The following RASGRF2 variants were observed in gnomAD, a reference collection of about 807,000 sequenced individuals.
RASGRF2 encodes Ras protein specific guanine nucleotide releasing factor 2.
RASGRF2 carries 76 observed loss-of-function variants against 151.0 expected under a neutral mutation model. The ratio of observed to expected loss-of-function variants is 0.50; its 90% CI spans 0.42 to 0.61. RASGRF2 has a LOEUF of 0.61. Ranked by LOEUF, RASGRF2 falls within the 20% of genes least tolerant of loss-of-function variation. The probability of loss-of-function intolerance (pLI) is 0.00; values close to 1 mark genes in which losing one functional copy is unlikely to be tolerated. For missense variants in RASGRF2, 1,148 were observed against 1,564.6 expected, an observed-to-expected ratio of 0.73 and a Z score of 4.49; for synonymous variants, 504 against 566.5, an observed-to-expected ratio of 0.89 and a Z score of 1.57.
At chr5:80,967,446 C>A (rs1014053972) in intron 1 of RASGRF2, among the ~76,000 whole-genome samples, 9 of 151,828 alleles carry the variant, frequency 5.9e-5, no homozygotes, top group Non-Finnish European at 1.2e-4. Context: ...TCCTTTAGTG[C>A]TTAATTAAAA....
rs1233981818 is a variant in RASGRF2, at chr5:81,059,843, A to AAAAAC, written c.396-8184_396-8180dup. Among the ~76,000 whole-genome samples the AAAAAC allele has an allele frequency of 4.6e-5, 7 of 152,028 alleles. No individual in the cohort carries two copies. In the East Asian group the frequency reaches 1.2e-3, roughly 25 times the overall value. On this transcript the variant is annotated intron_variant, in intron 2 of 26. Coordinates refer to ENST00000265080, the MANE Select transcript of RASGRF2 (RefSeq NM_006909.3). ...TGGGCAACAGAGGGAGACTCCACCA[A>AAAAAC]AAAACAAAAAACAAAAAACAAAAAA...
chr5:81,000,612 T>TG (rs1374027355), intron 1 of RASGRF2, among the ~76,000 whole-genome samples: 4 of 152,176 alleles, frequency 2.6e-5, no homozygotes, highest in Admixed American at 1.3e-4. Flanking sequence ...CAATAATTTA[T>TG]GTTTTTTTTT....
intron 12 of RASGRF2, among the ~76,000 whole-genome samples, chr5:81,097,901 G>C (rs1752591228): frequency 6.6e-6 from 1 of 152,226 alleles, no homozygotes; most frequent in African/African-American, 2.4e-5. Context: ...AAGGATTTCA[G>C]CAAAGGAATG....
intron 17 of RASGRF2, among the ~76,000 whole-genome samples, chr5:81,145,213 G>C (rs1435036443): frequency 6.6e-6 from 1 of 152,114 alleles, no homozygotes; most frequent in Non-Finnish European, 1.5e-5. Context: ...TGGGCAACAA[G>C]AGTGAAACTC....
At position 81,113,681 on chromosome 5, in the gene RASGRF2, AG is replaced by A; in HGVS notation, c.2232del (p.Lys744AsnfsTer4). On this transcript the variant is annotated frameshift_variant, in exon 15 of 27. Transcript: ENST00000265080. LOFTEE classifies it high-confidence loss of function. Reference protein sequence around the residue: ...SRTSSPVRARKLSLTSPLNSK... With the variant: ...SRTSSPVRARXLSLTSPLNSK... ...ACATCTTCCCCAGTGAGGGCCAGAA[AG>A]CTGTCTTTGACTTCTCCCTTGAACT... 1 of 1,613,672 alleles carries A rather than the reference AG, an allele frequency of 6.2e-7. No homozygotes were observed.
chr5:81,033,942 A>G (rs554219112), intron 1 of RASGRF2, among the ~76,000 whole-genome samples: 1 of 152,368 alleles, frequency 6.6e-6, no homozygotes, highest in East Asian at 1.9e-4. Flanking sequence ...GAACTTAAAC[A>G]AATTCACAAG....
chr5:81,188,936 A>G (rs1254653718), intron 18 of RASGRF2, among the ~76,000 whole-genome samples: 1 of 152,160 alleles, frequency 6.6e-6, no homozygotes, highest in Admixed American at 6.5e-5. Flanking sequence ...CCCGCTTCTG[A>G]CTCAGGACAG....
At chr5:81,178,938 C>T (rs1382098227) in intron 17 of RASGRF2, among the ~76,000 whole-genome samples, 1 of 152,270 alleles carries the variant, frequency 6.6e-6, no homozygotes, top group East Asian at 1.9e-4. Context: ...CGGGGTTTCA[C>T]CATGTTAGCC....
At chr5:81,131,529 A>G (rs1006612061) in intron 17 of RASGRF2, among the ~76,000 whole-genome samples, 4 of 151,790 alleles carry the variant, frequency 2.6e-5, no homozygotes, top group African/African-American at 9.7e-5. Context: ...TAATTTTTGT[A>G]TTTTTAGTAG....
intron 18 of RASGRF2, among the ~76,000 whole-genome samples, chr5:81,194,767 C>G (rs902680790): frequency 2.0e-5 from 3 of 152,198 alleles, no homozygotes; most frequent in Non-Finnish European, 4.4e-5. Flanking sequence ...GATGGACGCC[C>G]TCCTCAAGCC....
intron 17 of RASGRF2, among the ~76,000 whole-genome samples, chr5:81,133,747 T>C (rs1753682047): frequency 6.6e-6 from 1 of 152,218 alleles, no homozygotes. Context: ...AGTAGAGGAA[T>C]AGTTGAATGC....
At position 81,212,472 on chromosome 5, in the gene RASGRF2, A is replaced by G; in HGVS notation, c.3263A>G (p.His1088Arg). The change falls in exon 23 of 27, where the codon CAC (histidine) becomes CGC (arginine). Residue 1088 changes from histidine (H) to arginine (R), a missense_variant. His to Arg is a conservative substitution (Grantham distance 29). This residue lies in a region of RASGRF2 where 646 missense variants were observed against 807.4 expected (regional missense o/e 0.80). Coordinates refer to ENST00000265080, the MANE Select transcript of RASGRF2 (RefSeq NM_006909.3). ...GTGGCGGACATCTGCCGATGCCTGC[A>G]CAACTACAACGGCGTGCTGGAGATC... ...VAVADICRCL[H>R]NYNGVLEITS... 1 of 1,613,906 alleles carries G rather than the reference A, an allele frequency of 6.2e-7. No individual in the cohort carries two copies. The highest frequency in any genetic ancestry group is 8.5e-7 in the Non-Finnish European group (1 of 1,179,942).
chr5:81,131,111 T>C (rs1352522465), intron 17 of RASGRF2, among the ~76,000 whole-genome samples: 1 of 152,226 alleles, frequency 6.6e-6, no homozygotes, highest in Non-Finnish European at 1.5e-5. Flanking sequence ...AAACCATGTC[T>C]CTTTAAGTAT....
chr5:81,040,212 T>G (rs1750636795), intron 1 of RASGRF2, among the ~76,000 whole-genome samples: 1 of 151,968 alleles, frequency 6.6e-6, no homozygotes, highest in Admixed American at 6.6e-5. Context: ...TCTCATTATA[T>G]TTCCCAGGAT....
chr5:81,177,446 G>A (rs114911373), intron 17 of RASGRF2, among the ~76,000 whole-genome samples: 61 of 151,248 alleles, frequency 4.0e-4, no homozygotes, highest in African/African-American at 1.5e-3. Flanking sequence ...CGTTAGCTCC[G>A]AGAATTATTC....
Position 81,218,584 on chromosome 5 carries a change from T to G in RASGRF2, c.3552+1111T>G, listed in dbSNP as rs926281820. ...GCCTATTTTTGTACCAGTACCACGC[T>G]GTTTTGGTGACTGTGGCCTTATAGT... is the stretch of plus-strand genomic sequence containing the variant. On this transcript the variant is annotated intron_variant, in intron 25 of 26. Coordinates refer to ENST00000265080, the MANE Select transcript of RASGRF2 (RefSeq NM_006909.3). Among the ~76,000 whole-genome samples the G allele has an allele frequency of 2.6e-5, 4 of 152,336 alleles. No individual in the cohort carries two copies. The South Asian group carries it at 6.2e-4, about 24-fold the overall frequency.
In RASGRF2 at chr5:81,229,666, C is replaced by T. The variant is rs988588374; in HGVS notation, c.*3896C>T. 6.6e-6 allele frequency: 1 copy of T among 152,174 alleles called. No homozygotes were observed. The highest frequency in any genetic ancestry group is 1.9e-4 in the East Asian group (1 of 5,200). 9.4% of individuals were successfully genotyped at this position (152,174 alleles called of 1,614,324 possible). On this transcript the variant is annotated 3_prime_UTR_variant, in exon 27 of 27. Coordinates refer to ENST00000265080, the MANE Select transcript of RASGRF2 (RefSeq NM_006909.3). ...TTATACTTAATGATGTTGGTTTTTA[C>T]ACAGCTCATTTCATTTTTCACTAGA...
At chr5:81,057,087 T>A (rs1751242878) in intron 2 of RASGRF2, among the ~76,000 whole-genome samples, 1 of 152,226 alleles carries the variant, frequency 6.6e-6, no homozygotes, top group South Asian at 2.1e-4. Flanking sequence ...TCTATCCAAT[T>A]TGCCAGTCTG....
chr5:81,090,382 C>A (rs756377556), intron 9 of RASGRF2, among the ~76,000 whole-genome samples: 1 of 152,268 alleles, frequency 6.6e-6, no homozygotes, highest in South Asian at 2.1e-4. Context: ...CATGCTATAG[C>A]AATGATCTGA....
Sources: allele counts gnomAD v4.1 joint callset (sites outside exome capture counted in the v4.1 genomes callset), GRCh38; gene constraint gnomAD v4.1.1; regional missense constraint gnomAD v4.1.1; transcripts MANE v1.5; gene names NCBI Gene and HGNC (gene_info 2026-07-23, HGNC 2026-07-21).